Variants in EYS observed in about 807,000 individuals in gnomAD.
EYS encodes the protein protein eyes shut homolog.
EYS carries 250 observed loss-of-function variants against 282.1 expected under a neutral mutation model. That is an observed-to-expected ratio of 0.89 (90% CI 0.80 to 0.98). The LOEUF is 0.98. EYS is among the 50% of genes least tolerant of loss of function. EYS has a pLI of 0.00. For missense variants in EYS, 4,016 were observed against 3,709.0 expected (o/e 1.08, Z -2.15); for synonymous variants, 1,355 against 1,282.9 (o/e 1.06, Z -1.20).
chr6:65,446,700 ACATT>A (rs1768670238), intron 5 of EYS, among the ~76,000 whole-genome samples: 1 of 152,038 alleles, frequency 6.6e-6, no homozygotes, highest in South Asian at 2.1e-4. Flanking sequence ...GTACTTTGAT[ACATT>A]CCTGAATTCA....
At chr6:65,231,692 C>G (rs1264768770) in intron 12 of EYS, among the ~76,000 whole-genome samples, 1 of 151,640 alleles carries the variant, frequency 6.6e-6, no homozygotes, top group South Asian at 2.1e-4. Context: ...AATAATGAAA[C>G]ATTGATAGAT....
intron 34 of EYS, among the ~76,000 whole-genome samples, chr6:63,994,263 C>T (rs972984990): frequency 6.6e-6 from 1 of 151,902 alleles, no homozygotes; most frequent in African/African-American, 2.4e-5. Context: ...AATTACACGG[C>T]ATTAAAATTC....
At chr6:64,714,525 T>C (rs868766888) in intron 22 of EYS, among the ~76,000 whole-genome samples, 2,047 of 142,198 alleles carry the variant, frequency 0.014, 111 homozygotes, top group African/African-American at 0.049. Flanking sequence ...TCTTTTTTTT[T>C]TTTTTTTTTT....
At chr6:64,799,683 A>C (rs983262737) in intron 22 of EYS, among the ~76,000 whole-genome samples, 1 of 149,912 alleles carries the variant, frequency 6.7e-6, no homozygotes, top group East Asian at 1.9e-4. Context: ...ATATAAGTAC[A>C]TATATAATTA....
chr6:63,828,737 C>A (rs561494144), intron 36 of EYS, among the ~76,000 whole-genome samples: 147 of 152,196 alleles, frequency 9.7e-4, no homozygotes, highest in Admixed American at 1.9e-3. Flanking sequence ...CAGGTAAATG[C>A]AAATCAAAAC....
intron 11 of EYS, among the ~76,000 whole-genome samples, chr6:65,312,782 G>A (rs1012766990): frequency 1.2e-4 from 19 of 152,126 alleles, no homozygotes; most frequent in African/African-American, 4.1e-4. Context: ...GAGCTTCAAC[G>A]TTAAACAGGT....
At chr6:65,153,587 G>A (rs78812121) in intron 12 of EYS, among the ~76,000 whole-genome samples, 6,420 of 151,548 alleles carry the variant, frequency 0.042, 196 homozygotes, top group Middle Eastern at 0.065. Flanking sequence ...TCTTATAAAC[G>A]TTATGCTCAG....
chr6:64,939,323 C>A (rs976909793), intron 15 of EYS, among the ~76,000 whole-genome samples: 1 of 151,654 alleles, frequency 6.6e-6, no homozygotes, highest in Non-Finnish European at 1.5e-5. Flanking sequence ...TATCAAAAAT[C>A]TTAGGAATGA....
At chr6:64,558,683 C>A (rs957427698) in intron 26 of EYS, among the ~76,000 whole-genome samples, 1 of 152,128 alleles carries the variant, frequency 6.6e-6, no homozygotes, top group Admixed American at 6.6e-5. Context: ...CTCTTTACAG[C>A]AGACATCATG....
At chr6:64,374,106 G>A (rs968719170) in intron 29 of EYS, among the ~76,000 whole-genome samples, 3 of 151,104 alleles carry the variant, frequency 2.0e-5, no homozygotes, top group Non-Finnish European at 4.4e-5. Flanking sequence ...CAGGTAAAGT[G>A]GCTGGCCCAG....
intron 12 of EYS, 73 bp downstream of exon 12, chr6:65,295,790 A>C: frequency 8.2e-7 from 1 of 1,214,786 alleles, no homozygotes; most frequent in Non-Finnish European, 1.1e-6. Context: ...GATATATTTG[A>C]GATATATCAA....
chr6:65,442,851 C>T lies in EYS; in HGVS notation c.863-37484G>A, dbSNP rs1419730548. ...ACATATATACATACATATACACATA[C>T]ATATGTACATATATACATACATATA... is the stretch of plus-strand genomic sequence containing the variant. On this transcript the variant is annotated intron_variant, in intron 5 of 42. Coordinates refer to ENST00000503581, the MANE Select transcript of EYS (RefSeq NM_001142800.2). Among the ~76,000 whole-genome samples, 17 of 146,664 alleles carry T rather than the reference C, an allele frequency of 1.2e-4. 2 individuals carry two copies. The highest frequency in any genetic ancestry group is 2.3e-4 in the Non-Finnish European group (15 of 65,970).
chr6:64,396,922 AAGGG>A (rs1024250858), intron 28 of EYS, among the ~76,000 whole-genome samples: 1 of 151,982 alleles, frequency 6.6e-6, no homozygotes, highest in African/African-American at 2.4e-5. Flanking sequence ...GTGTGCACAC[AAGGG>A]TGTGTATGTG....
intron 26 of EYS, among the ~76,000 whole-genome samples, chr6:64,587,332 G>A (rs1012718801): frequency 6.6e-6 from 1 of 151,942 alleles, no homozygotes; most frequent in Non-Finnish European, 1.5e-5. Context: ...GGTCTACTTT[G>A]GAAGCAGACA....
intron 30 of EYS, among the ~76,000 whole-genome samples, chr6:64,285,019 A>C (rs1278413596): frequency 1.3e-5 from 2 of 152,154 alleles, no homozygotes. Flanking sequence ...GGAGATTAAC[A>C]TTCAGCTCCT....
intron 12 of EYS, among the ~76,000 whole-genome samples, chr6:65,181,655 C>T (rs147194890): frequency 0.013 from 1,949 of 152,202 alleles, 18 homozygotes; most frequent in Non-Finnish European, 0.02. Flanking sequence ...TGTGGCGATT[C>T]CTTAGGGATC....
rs75349536 is a variant in EYS at position 64,986,763 on chromosome 6, G to T, written c.2259+10819C>A. Among the ~76,000 whole-genome samples, 13 of 150,482 alleles carry T rather than the reference G, an allele frequency of 8.6e-5. No individual in the cohort carries two copies. In the East Asian group the frequency reaches 2.6e-3, roughly 30 times the overall value. On this transcript the variant is annotated intron_variant, in intron 14 of 42. Coordinates refer to ENST00000503581, the MANE Select transcript of EYS (RefSeq NM_001142800.2). ...TTAATTTTAAATTTTAGTTAAAATT[G>T]ATGTATTTTAGAAATGTTTTTAGTT...
chr6:64,459,821 C>T (rs1419960347), intron 26 of EYS, among the ~76,000 whole-genome samples: 1 of 152,176 alleles, frequency 6.6e-6, no homozygotes, highest in Non-Finnish European at 1.5e-5. Flanking sequence ...AGTCCACTGA[C>T]TCAAATGTTA....
At chr6:63,942,151 G>T (rs1322045575) in intron 35 of EYS, among the ~76,000 whole-genome samples, 1 of 152,160 alleles carries the variant, frequency 6.6e-6, no homozygotes, top group Non-Finnish European at 1.5e-5. Flanking sequence ...CTATAGACAG[G>T]ATTGTCAACA....
Sources: allele counts gnomAD v4.1 joint callset (sites outside exome capture counted in the v4.1 genomes callset), GRCh38; gene constraint gnomAD v4.1.1; transcripts MANE v1.5; gene names NCBI Gene and HGNC (gene_info 2026-07-23, HGNC 2026-07-21).